The following GMEB1 variants were observed in gnomAD, a reference collection of about 807,000 sequenced individuals.
The protein encoded by GMEB1 is glucocorticoid modulatory element-binding protein 1.
GMEB1 carries 6 observed loss-of-function variants against 52.4 expected under a neutral mutation model. The observed-to-expected ratio is 0.11, with a 90% CI of 0.06 to 0.23. GMEB1 has a LOEUF of 0.23. Among genes scored for constraint, GMEB1 ranks in the 10% least tolerant of loss-of-function variants. The pLI is 1.00. For missense variants in GMEB1, 486 were observed against 685.6 expected (o/e 0.71, Z 3.25); for synonymous variants, 255 against 244.9 (o/e 1.04, Z -0.38).
chr1:28,710,724 G>A, intron 9 of GMEB1, 82 bp downstream of exon 9: 4 of 969,424 alleles, frequency 4.1e-6, no homozygotes. Context: ...TTTTGTTGGG[G>A]TAACTTTTTT....
At chr1:28,689,039 G>A (rs1039704802) in intron 2 of GMEB1, among the ~76,000 whole-genome samples, 1 of 151,724 alleles carries the variant, frequency 6.6e-6, no homozygotes, top group African/African-American at 2.4e-5. Flanking sequence ...TTACAGGCGC[G>A]CCACCATGCC....
chr1:28,686,751 G>T (rs1669665667), intron 2 of GMEB1, among the ~76,000 whole-genome samples: 1 of 151,712 alleles, frequency 6.6e-6, no homozygotes, highest in South Asian at 2.1e-4. Context: ...GGTTTCTCAT[G>T]TTTATCACAA....
chr1:28,704,794 G>A (rs1488326305), intron 8 of GMEB1, among the ~76,000 whole-genome samples: 1 of 152,008 alleles, frequency 6.6e-6, no homozygotes, highest in African/African-American at 2.4e-5. Context: ...TTTTAGTAGA[G>A]ACAGGGTTTT....
chr1:28,678,674 A>AGT (rs1459647917), intron 1 of GMEB1, among the ~76,000 whole-genome samples: 1 of 152,116 alleles, frequency 6.6e-6, no homozygotes, highest in Non-Finnish European at 1.5e-5. Context: ...GCTGAAGTGC[A>AGT]GTGGCACGAT....
chr1:28,668,876 T>G (rs895890911), intron 1 of GMEB1, 37 bp downstream of exon 1: 189 of 10,384 alleles, frequency 0.018, no homozygotes, highest in Middle Eastern at 0.071. Context: ...GGGCGCGGGG[T>G]GGGGTGGGGG....
intron 8 of GMEB1, among the ~76,000 whole-genome samples, chr1:28,709,336 C>T (rs1004470804): frequency 6.6e-6 from 1 of 151,880 alleles, no homozygotes; most frequent in Non-Finnish European, 1.5e-5. Context: ...AAATAATAAT[C>T]TTGCATGCCA....
Position 28,684,509 on chromosome 1 carries a change from G to A in GMEB1, c.128+769G>A, listed in dbSNP as rs1185255158. ...ACCCGGGAGGCGGAGCTTGTAGTGAGCCGAGATCGCGCCACTGCACTCCAG... is the reference window on the plus strand; with the variant it reads ...ACCCGGGAGGCGGAGCTTGTAGTGAACCGAGATCGCGCCACTGCACTCCAG... On this transcript the variant is annotated intron_variant, in intron 2 of 9. Coordinates refer to ENST00000373816, the MANE Select transcript of GMEB1 (RefSeq NM_001319674.2). Among the ~76,000 whole-genome samples the A allele has an allele frequency of 2.7e-5, 4 of 147,062 alleles. No homozygotes were observed. The East Asian group carries it at 8.3e-4, about 30-fold the overall frequency.
intron 8 of GMEB1, among the ~76,000 whole-genome samples, chr1:28,708,694 C>T (rs939559770): frequency 1.3e-5 from 2 of 151,988 alleles, no homozygotes; most frequent in Non-Finnish European, 2.9e-5. Flanking sequence ...TGGTAATCCA[C>T]CCACCTCGGC....
intron 5 of GMEB1, among the ~76,000 whole-genome samples, chr1:28,694,707 C>T (rs1462320568): frequency 3.3e-5 from 5 of 149,344 alleles, no homozygotes; most frequent in Admixed American, 6.7e-5. Context: ...CTTGCTGTGT[C>T]GCCCAGGCTG....
intron 1 of GMEB1, among the ~76,000 whole-genome samples, chr1:28,672,581 C>T (rs978953966): frequency 6.6e-6 from 1 of 151,756 alleles, no homozygotes; most frequent in African/African-American, 2.4e-5. Context: ...TGTTATTATA[C>T]TTTAAGTTCT....
intron 7 of GMEB1, among the ~76,000 whole-genome samples, chr1:28,703,926 T>C (rs1023532656): frequency 3.9e-5 from 6 of 152,250 alleles, no homozygotes; most frequent in Admixed American, 3.9e-4. Flanking sequence ...AAAATGACTA[T>C]TCTTTGTAGT....
At chr1:28,706,854 A>G (rs967939220) in intron 8 of GMEB1, among the ~76,000 whole-genome samples, 2 of 150,044 alleles carry the variant, frequency 1.3e-5, no homozygotes, top group African/African-American at 4.9e-5. Flanking sequence ...TTTAGTAGAG[A>G]TGGGGTTTCA....
intron 8 of GMEB1, among the ~76,000 whole-genome samples, chr1:28,704,572 G>A (rs531455976): frequency 2.0e-5 from 3 of 152,162 alleles, no homozygotes; most frequent in African/African-American, 7.2e-5. Flanking sequence ...CAGTAGTCTG[G>A]GCAACATAGT....
intron 6 of GMEB1, 27 bp downstream of exon 6, chr1:28,697,111 C>A: frequency 1.3e-6 from 2 of 1,506,378 alleles, no homozygotes; most frequent in East Asian, 2.5e-5. Context: ...CACCTGAAAA[C>A]CCATTGTGTT....
chr1:28,692,451 G>A (rs999895848), intron 4 of GMEB1, among the ~76,000 whole-genome samples: 14 of 151,788 alleles, frequency 9.2e-5, no homozygotes, highest in Non-Finnish European at 1.8e-4. Flanking sequence ...AGAATCACTT[G>A]AACCCGGGGG....
At chr1:28,710,937 G>A (rs1671031782) in intron 9 of GMEB1, among the ~76,000 whole-genome samples, 1 of 151,906 alleles carries the variant, frequency 6.6e-6, no homozygotes, top group South Asian at 2.1e-4. Context: ...GACACAAATT[G>A]GTCTTTGTCT....
intron 9 of GMEB1, among the ~76,000 whole-genome samples, chr1:28,712,576 T>G (rs1318602423): frequency 2.6e-5 from 4 of 152,050 alleles, no homozygotes; most frequent in Non-Finnish European, 4.4e-5. Flanking sequence ...ATCCCAGCAC[T>G]TTGGGAGGCC....
chr1:28,669,507 G>A (rs1366629744), intron 1 of GMEB1, among the ~76,000 whole-genome samples: 9 of 152,056 alleles, frequency 5.9e-5, no homozygotes, highest in Admixed American at 2.6e-4. Context: ...GCGCGGTAGA[G>A]GCCTCGGCCA....
Position 28,697,002 on chromosome 1 carries a change from A to C in GMEB1, c.516A>C (p.Lys172Asn). Reference sequence around the variant, plus strand: ...GCTCCAATACCTGCAGAAGCACCAAATTTGATCTTCTGATCAGCAGTGCAA... The same window carrying C: ...GCTCCAATACCTGCAGAAGCACCAACTTTGATCTTCTGATCAGCAGTGCAA... ...KVCSNTCRST[K>N]FDLLISSARA... is the part of the protein sequence containing the mutation. The change falls in exon 6 of 10, where the codon AAA becomes AAC. Residue 172 changes from lysine (K) to asparagine (N), a missense_variant. By Grantham distance (94) the Lys-to-Asn change is moderately conservative. Around this residue, in one of 5 missense-constraint regions of GMEB1, gnomAD observed 43 missense variants for 117.5 expected, o/e 0.37. Coordinates refer to ENST00000373816, the MANE Select transcript of GMEB1 (RefSeq NM_001319674.2). 1 of 1,610,720 alleles carries C rather than the reference A, an allele frequency of 6.2e-7. No homozygotes were observed. Among genetic ancestry groups the C allele is most frequent in the Non-Finnish European group, 8.5e-7 (1 of 1,178,118 alleles).
Sources: allele counts gnomAD v4.1 joint callset (sites outside exome capture counted in the v4.1 genomes callset), GRCh38; gene constraint gnomAD v4.1.1; regional missense constraint gnomAD v4.1.1; transcripts MANE v1.5; gene names NCBI Gene and HGNC (gene_info 2026-07-23, HGNC 2026-07-21).